Variants in CIT observed in about 807,000 individuals in gnomAD.
The protein encoded by CIT is citron rho-interacting serine/threonine kinase, also known as citron Rho-interacting kinase.
A neutral mutation model predicts 272.7 loss-of-function variants in CIT; 79 were observed. That is an observed-to-expected ratio of 0.29 (90% CI 0.24 to 0.35). CIT has a LOEUF of 0.35. Ranked by LOEUF, CIT falls within the 10% of genes least tolerant of loss-of-function variation. The pLI, the probability that CIT is intolerant of heterozygous loss-of-function variation, is 1.00. For missense variants in CIT, 1,909 were observed against 2,618.3 expected (o/e 0.73, Z 5.91); for synonymous variants, 948 against 995.6 (o/e 0.95, Z 0.90).
chr12:119,750,456 A>C (rs1274584864), intron 23 of CIT, among the ~76,000 whole-genome samples: 1 of 152,208 alleles, frequency 6.6e-6, no homozygotes, highest in Non-Finnish European at 1.5e-5. Context: ...ACAAAGACAT[A>C]CTGTGGTTAT....
At chr12:119,832,630 G>A in intron 7 of CIT, 141 bp downstream of exon 7, 1 of 610,594 alleles carries the variant, frequency 1.6e-6, no homozygotes, top group Non-Finnish European at 2.9e-6. Flanking sequence ...AAATGGTTCT[G>A]TGTCCCTGTC....
intron 16 of CIT, among the ~76,000 whole-genome samples, chr12:119,773,653 G>A (rs1220438317): frequency 2.0e-5 from 3 of 152,114 alleles, no homozygotes; most frequent in South Asian, 2.1e-4. Context: ...GGCTGGTCTC[G>A]AACTCCTGAC....
chr12:119,755,681 C>A (rs74955674), intron 22 of CIT, among the ~76,000 whole-genome samples: 2,406 of 152,306 alleles, frequency 0.016, 74 homozygotes, highest in African/African-American at 0.056. Context: ...ACTGTAGACC[C>A]AGGCTACAAA....
chr12:119,790,480 G>A (rs1965213816), intron 10 of CIT, among the ~76,000 whole-genome samples: 1 of 152,040 alleles, frequency 6.6e-6, no homozygotes, highest in Admixed American at 6.6e-5. Flanking sequence ...GAGTCTATCT[G>A]TTCATTAAAA....
chr12:119,704,121 G>A (rs1054288882), intron 41 of CIT, among the ~76,000 whole-genome samples: 3 of 152,102 alleles, frequency 2.0e-5, no homozygotes, highest in Admixed American at 6.5e-5. Context: ...GGCTGGATGG[G>A]GAGGCAGTTC....
At chr12:119,751,952 T>A (rs1418683276) in intron 23 of CIT, 98 bp downstream of exon 23, 1 of 1,100,020 alleles carries the variant, frequency 9.1e-7, no homozygotes, top group African/African-American at 1.6e-5. Flanking sequence ...TTTTCCCTCC[T>A]GGAATTTCTA....
intron 9 of CIT, among the ~76,000 whole-genome samples, chr12:119,816,292 C>T (rs947260079): frequency 6.6e-6 from 1 of 152,100 alleles, no homozygotes; most frequent in African/African-American, 2.4e-5. Context: ...TTAGGTCAAA[C>T]CACCATTTTG....
At position 119,699,588 on chromosome 12, in the gene CIT, T is replaced by C. The variant is rs371826934; in HGVS notation, c.5623+1157A>G. 1.3e-3 allele frequency among the ~76,000 whole-genome samples: 196 copies of C among 152,316 alleles called. 3 individuals are homozygous for C. Among genetic ancestry groups the C allele is most frequent in the Middle Eastern group, 3.4e-3 (1 of 294 alleles). On this transcript the variant is annotated intron_variant, in intron 44 of 47. Transcript: ENST00000392521. ...GCACGCTTGCCAGCTTCCGCTTCTATATTCTTGGAAGAAGCCAGCGTGGAA... is the reference window on the plus strand; with the variant it reads ...GCACGCTTGCCAGCTTCCGCTTCTACATTCTTGGAAGAAGCCAGCGTGGAA...
chr12:119,864,778 TATTTTG>T (rs1215959215), intron 3 of CIT, among the ~76,000 whole-genome samples: 2 of 152,222 alleles, frequency 1.3e-5, no homozygotes, highest in African/African-American at 4.8e-5. Context: ...TGCCAGACAC[TATTTTG>T]GGCACTGGGG....
chr12:119,717,075 A>G (rs1957531186), intron 32 of CIT, among the ~76,000 whole-genome samples: 2 of 152,194 alleles, frequency 1.3e-5, no homozygotes, highest in Admixed American at 1.3e-4. Context: ...TTTTTGAGAC[A>G]GAGTTTCAGT....
At chr12:119,812,803 G>A (rs937820025) in intron 9 of CIT, among the ~76,000 whole-genome samples, 2 of 146,378 alleles carry the variant, frequency 1.4e-5, no homozygotes, top group Non-Finnish European at 3.0e-5. Context: ...TGGAGACATC[G>A]CACCCGGCTA....
At chr12:119,705,586 G>C (rs555627313) in intron 40 of CIT, among the ~76,000 whole-genome samples, 185 of 152,032 alleles carry the variant, frequency 1.2e-3, no homozygotes, top group African/African-American at 4.4e-3. Context: ...TCAGATATTA[G>C]AATGAAAATA....
intron 37 of CIT, chr12:119,711,216 G>A: frequency 7.5e-6 from 5 of 669,196 alleles, no homozygotes; most frequent in South Asian, 4.3e-5. Flanking sequence ...TTAAGAATCT[G>A]CCAATTGCTA....
At chr12:119,744,869 A>G (rs1043830433) in intron 23 of CIT, among the ~76,000 whole-genome samples, 2 of 152,144 alleles carry the variant, frequency 1.3e-5, no homozygotes, top group African/African-American at 2.4e-5. Flanking sequence ...GAACTTGAAG[A>G]CAAGTAGAAA....
At chr12:119,771,338 G>A (rs1367857699) in intron 17 of CIT, among the ~76,000 whole-genome samples, 1 of 152,170 alleles carries the variant, frequency 6.6e-6, no homozygotes, top group Non-Finnish European at 1.5e-5. Flanking sequence ...AGAGACATCA[G>A]AGAGGCGTGA....
intron 32 of CIT, among the ~76,000 whole-genome samples, chr12:119,715,611 A>G (rs568528385): frequency 6.6e-6 from 1 of 152,280 alleles, no homozygotes; most frequent in African/African-American, 2.4e-5. Context: ...AAAAATTAGA[A>G]TGTGATGAGG....
At chr12:119,869,918 C>T (rs1021017294) in intron 2 of CIT, among the ~76,000 whole-genome samples, 3 of 152,188 alleles carry the variant, frequency 2.0e-5, no homozygotes, top group Non-Finnish European at 2.9e-5. Context: ...CTGCCCCTCC[C>T]GGTAGCAGAT....
chr12:119,790,645 T>C (rs404417), intron 10 of CIT, among the ~76,000 whole-genome samples: 96 of 152,144 alleles, frequency 6.3e-4, no homozygotes, highest in African/African-American at 2.2e-3. Context: ...GTGATCCCCA[T>C]GAGAGATACC....
At chr12:119,714,386 A>G in intron 32 of CIT, 52 bp from the exon 33 acceptor site, 6 of 1,593,066 alleles carry the variant, frequency 3.8e-6, no homozygotes, top group Non-Finnish European at 5.1e-6. Flanking sequence ...TGATCCCATC[A>G]GGAAAGTGAA....
Sources: allele counts gnomAD v4.1 joint callset (sites outside exome capture counted in the v4.1 genomes callset), GRCh38; gene constraint gnomAD v4.1.1; transcripts MANE v1.5; gene names NCBI Gene and HGNC (gene_info 2026-07-23, HGNC 2026-07-21).